EYS: variants seen among roughly 807,000 people sequenced by gnomAD.
EYS encodes the protein protein eyes shut homolog.
In EYS, 250 loss-of-function variants were observed where a neutral mutation model predicts 282.1. The ratio of observed to expected loss-of-function variants is 0.89; its 90% confidence interval spans 0.80 to 0.98. EYS has a LOEUF of 0.98. Ranked by LOEUF, EYS falls within the 50% of genes least tolerant of loss-of-function variation. The probability of loss-of-function intolerance (pLI) is 0.00; values close to 1 mark genes in which losing one functional copy is unlikely to be tolerated. For missense variants in EYS, 4,016 were observed against 3,709.0 expected (o/e 1.08, Z -2.15); for synonymous variants, 1,355 against 1,282.9 (o/e 1.06, Z -1.20).
chr6:65,159,030 G>A (rs1360029744), intron 12 of EYS, among the ~76,000 whole-genome samples: 1 of 150,684 alleles, frequency 6.6e-6, no homozygotes, highest in African/African-American at 2.4e-5. Context: ...GTGAGAACAT[G>A]CCACAATATT....
intron 22 of EYS, among the ~76,000 whole-genome samples, chr6:64,662,884 T>C (rs1484399696): frequency 9.8e-6 from 1 of 102,214 alleles, no homozygotes; most frequent in Non-Finnish European, 2.0e-5. Flanking sequence ...ATCCTTCTGA[T>C]ATACCTCCAC....
In EYS at chr6:65,495,936, T is replaced by C. The variant is rs1344994153; in HGVS notation, c.-275A>G. 6.5e-6 allele frequency: 1 copy of C among 155,030 alleles called. No homozygotes were observed. Among genetic ancestry groups the C allele is most frequent in the Admixed American group, 6.3e-5 (1 of 15,822 alleles). The allele number at this position is 155,030 out of a possible 1,614,324, so 9.6% of individuals were successfully genotyped here. A position where few individuals can be genotyped will look rare whatever the true frequency, so the allele number is the denominator to read the frequency against. On this transcript the variant is annotated 5_prime_UTR_variant, in exon 3 of 43. Coordinates refer to ENST00000503581, the MANE Select transcript of EYS (RefSeq NM_001142800.2). ...AGCACAGCCAAGATTCTTTTACAGATGGTTTCAATTTTCTTGGGAGATAAG... is the reference window on the plus strand; with the variant it reads ...AGCACAGCCAAGATTCTTTTACAGACGGTTTCAATTTTCTTGGGAGATAAG...
At chr6:65,153,545 G>C (rs1764666916) in intron 12 of EYS, among the ~76,000 whole-genome samples, 1 of 151,570 alleles carries the variant, frequency 6.6e-6, no homozygotes, top group African/African-American at 2.4e-5. Flanking sequence ...CTACACGAAG[G>C]CTAATTTTCT....
intron 12 of EYS, among the ~76,000 whole-genome samples, chr6:65,126,980 G>T (rs747887403): frequency 1.3e-5 from 2 of 152,076 alleles, no homozygotes; most frequent in Non-Finnish European, 1.5e-5. Context: ...GGAGAACCCT[G>T]ATCAGAGGCT....
At chr6:64,116,168 G>T (rs1404590642) in intron 31 of EYS, among the ~76,000 whole-genome samples, 2 of 152,012 alleles carry the variant, frequency 1.3e-5, no homozygotes, top group African/African-American at 4.8e-5. Context: ...GCAGAAGAAA[G>T]ACTTGACTTC....
chr6:64,804,516 C>T (rs1231622958), intron 22 of EYS, among the ~76,000 whole-genome samples: 1 of 152,078 alleles, frequency 6.6e-6, no homozygotes, highest in East Asian at 1.9e-4. Context: ...TTATTAGTGC[C>T]ACAACTCTCT....
chr6:64,616,266 A>T (rs1582957732), intron 24 of EYS, among the ~76,000 whole-genome samples: 1 of 152,254 alleles, frequency 6.6e-6, no homozygotes, highest in East Asian at 1.9e-4. Context: ...GGTGTCAGAA[A>T]AATAACTTCT....
intron 31 of EYS, among the ~76,000 whole-genome samples, chr6:64,190,550 G>A (rs1765072130): frequency 6.6e-6 from 1 of 152,170 alleles, no homozygotes; most frequent in African/African-American, 2.4e-5. Context: ...GGTTTCAAGA[G>A]ATGCCAATTT....
chr6:64,241,657 T>TTGTG (rs367952253), intron 30 of EYS, among the ~76,000 whole-genome samples: 2,250 of 149,248 alleles, frequency 0.015, 41 homozygotes, highest in African/African-American at 0.044. Context: ...TTGAAGGTTT[T>TTGTG]TGTGTGTGTG....
chr6:65,660,096 A>G (rs1767953919), intron 1 of EYS, among the ~76,000 whole-genome samples: 1 of 151,784 alleles, frequency 6.6e-6, no homozygotes, highest in African/African-American at 2.4e-5. Flanking sequence ...AAATTTATTC[A>G]GAATTTTAAA....
intron 31 of EYS, among the ~76,000 whole-genome samples, chr6:64,108,267 T>G (rs2150264350): frequency 6.6e-6 from 1 of 152,218 alleles, no homozygotes; most frequent in South Asian, 2.1e-4. Flanking sequence ...ACAGTTCACA[T>G]TTTTGTACCC....
At chr6:64,506,994 G>T (rs1343911452) in intron 26 of EYS, among the ~76,000 whole-genome samples, 1 of 129,260 alleles carries the variant, frequency 7.7e-6, no homozygotes, top group Admixed American at 7.3e-5. Context: ...TTTTGAGATG[G>T]AGTCTCGCTC....
At chr6:64,091,437 A>G (rs1247677349) in intron 31 of EYS, among the ~76,000 whole-genome samples, 2 of 152,200 alleles carry the variant, frequency 1.3e-5, no homozygotes, top group East Asian at 3.8e-4. Flanking sequence ...TGATGCTTTA[A>G]TTAAAAGTGT....
intron 14 of EYS, among the ~76,000 whole-genome samples, chr6:64,990,034 G>C (rs888308119): frequency 3.3e-5 from 5 of 151,254 alleles, no homozygotes. Context: ...GTTTACACAT[G>C]TATCTATCAA....
intron 31 of EYS, among the ~76,000 whole-genome samples, chr6:64,209,692 T>TA (rs1441679743): frequency 6.6e-6 from 1 of 152,188 alleles, no homozygotes; most frequent in Non-Finnish European, 1.5e-5. Flanking sequence ...CCTCTGCTTT[T>TA]AGAACAGCTC....
At chr6:64,773,875 T>C (rs774497195) in intron 22 of EYS, among the ~76,000 whole-genome samples, 1 of 151,904 alleles carries the variant, frequency 6.6e-6, no homozygotes, top group Admixed American at 6.6e-5. Flanking sequence ...TCCCATTCTG[T>C]AGGTTGTCTG....
At chr6:65,321,146 C>CT (rs67687880) in intron 11 of EYS, among the ~76,000 whole-genome samples, 8,356 of 133,438 alleles carry the variant, frequency 0.063, 277 homozygotes, top group South Asian at 0.099. Context: ...GTATGAAAGC[C>CT]TTTTTTTTTT....
chr6:64,550,780 A>G (rs1274694483), intron 26 of EYS, among the ~76,000 whole-genome samples: 2 of 152,104 alleles, frequency 1.3e-5, no homozygotes, highest in African/African-American at 4.8e-5. Flanking sequence ...ATACAAAATC[A>G]ATGTGCAAAA....
At chr6:64,818,912 C>G (rs1764819195) in intron 21 of EYS, among the ~76,000 whole-genome samples, 1 of 152,152 alleles carries the variant, frequency 6.6e-6, no homozygotes, top group Non-Finnish European at 1.5e-5. Flanking sequence ...ATGAAGTTGA[C>G]ACTCAATATT....
Sources: allele counts gnomAD v4.1 joint callset (sites outside exome capture counted in the v4.1 genomes callset), GRCh38; gene constraint gnomAD v4.1.1; transcripts MANE v1.5; gene names NCBI Gene and HGNC (gene_info 2026-07-23, HGNC 2026-07-21).